The following BOC variants were observed in gnomAD, a reference collection of about 807,000 sequenced individuals.
The protein encoded by BOC is BOC cell adhesion associated, oncogene regulated.
A neutral mutation model predicts 112.0 loss-of-function variants in BOC; 76 were observed. The ratio of observed to expected loss-of-function variants is 0.68; its 90% CI spans 0.56 to 0.82. BOC has a LOEUF of 0.82. BOC is among the 40% of genes least tolerant of loss of function. The pLI is 0.00. For missense variants in BOC, 1,309 were observed against 1,511.7 expected (o/e 0.87, Z 2.22); for synonymous variants, 580 against 599.8 (o/e 0.97, Z 0.48).
intron 1 of BOC, 169 bp downstream of exon 1, chr3:113,212,185 C>A (rs1268466797): frequency 2.0e-5 from 3 of 150,902 alleles, no homozygotes; most frequent in Non-Finnish European, 4.4e-5. Flanking sequence ...GGCCGGGCGC[C>A]CGGGGCTGGG....
At chr3:113,213,232 A>C (rs1407791836) in intron 1 of BOC, among the ~76,000 whole-genome samples, 2 of 152,200 alleles carry the variant, frequency 1.3e-5, no homozygotes, top group East Asian at 3.8e-4. Context: ...TTTGACCCAG[A>C]GTTACCTCTT....
chr3:113,242,698 C>T (rs900851177), intron 2 of BOC, among the ~76,000 whole-genome samples: 2 of 151,920 alleles, frequency 1.3e-5, no homozygotes, highest in African/African-American at 4.8e-5. Context: ...TTATATATTC[C>T]CTTGCTCAAA....
chr3:113,256,701 TTCCTTTATC>T (rs2107483855), intron 4 of BOC, among the ~76,000 whole-genome samples: 1 of 152,306 alleles, frequency 6.6e-6, no homozygotes, highest in African/African-American at 2.4e-5. Context: ...TATTTCTAGC[TTCCTTTATC>T]TCTGTATTAG....
chr3:113,262,107 T>C (rs1946953226), intron 4 of BOC: 1 of 152,174 alleles, frequency 6.6e-6, no homozygotes, highest in South Asian at 2.1e-4. Context: ...AGGAGAGAGC[T>C]TGGGAGCCAA....
chr3:113,233,873 C>G (rs531194543), intron 2 of BOC, among the ~76,000 whole-genome samples: 2 of 142,950 alleles, frequency 1.4e-5, no homozygotes, highest in South Asian at 5.0e-4. Context: ...TTAAGAACCA[C>G]GGCGGGCTCC....
chr3:113,227,871 T>A (rs1419830280), intron 2 of BOC, among the ~76,000 whole-genome samples: 1 of 150,920 alleles, frequency 6.6e-6, no homozygotes, highest in Non-Finnish European at 1.5e-5. Flanking sequence ...GTGTTTGGGT[T>A]TTTTTTTTTC....
chr3:113,284,598 A>G, intron 17 of BOC, 31 bp downstream of exon 17: 1 of 1,593,210 alleles, frequency 6.3e-7, no homozygotes, highest in Non-Finnish European at 8.6e-7. Context: ...GGCGGCAGGT[A>G]TGGGACACCC....
Position 113,249,087 on chromosome 3 carries a change from T to G in BOC, c.-81-635T>G, listed in dbSNP as rs541449996. 2.9e-3 allele frequency among the ~76,000 whole-genome samples: 437 copies of G among 152,142 alleles called. 4 individuals carry two copies. The highest frequency in any genetic ancestry group is 0.014 in the Middle Eastern group (4 of 294). ...GTGGGAGTAGATGTTATGGACAAGC[T>G]GAGGAGAGCAGGGTGATTGCAGGAA... On this transcript the variant is annotated intron_variant, in intron 2 of 19. Transcript: ENST00000682979.
At position 113,278,527 on chromosome 3, in the gene BOC, G is replaced by T; in HGVS notation, c.1706-146G>T. On this transcript the variant is annotated intron_variant, in intron 10 of 19. Transcript: ENST00000682979. This position sits in a 1 kb window ranked among gnomAD's most constrained non-coding sequence, Gnocchi z 4.2. ...CACAACAGAACCAGTCTCGGCCGAGGCTGAGCCCACACCCTCAGTGCCCCG... is the reference window on the plus strand; with the variant it reads ...CACAACAGAACCAGTCTCGGCCGAGTCTGAGCCCACACCCTCAGTGCCCCG... The T allele has an allele frequency of 1.3e-6, 1 of 796,784 alleles. No individual in the cohort carries two copies. Among genetic ancestry groups the T allele is most frequent in the Non-Finnish European group, 2.0e-6 (1 of 491,648 alleles). 49.4% of individuals were successfully genotyped at this position (796,784 alleles called of 1,614,324 possible).
At chr3:113,253,441 C>T (rs1009757661) in intron 4 of BOC, among the ~76,000 whole-genome samples, 4 of 151,222 alleles carry the variant, frequency 2.6e-5, no homozygotes, top group Admixed American at 1.3e-4. Flanking sequence ...GGCGTGGTGG[C>T]GTGCACTTGT....
At chr3:113,267,896 C>T (rs1418643972) in intron 4 of BOC, among the ~76,000 whole-genome samples, 5 of 152,232 alleles carry the variant, frequency 3.3e-5, no homozygotes, top group African/African-American at 9.6e-5. Flanking sequence ...TGAGCATTCT[C>T]TTGTATCGTT....
chr3:113,228,653 G>A (rs1559810638), intron 2 of BOC, among the ~76,000 whole-genome samples: 1 of 152,146 alleles, frequency 6.6e-6, no homozygotes, highest in Non-Finnish European at 1.5e-5. Context: ...TCCAAATGTT[G>A]GGGGAGTGGG....
intron 2 of BOC, among the ~76,000 whole-genome samples, chr3:113,225,920 T>G (rs1335191771): frequency 6.6e-6 from 1 of 152,190 alleles, no homozygotes; most frequent in Non-Finnish European, 1.5e-5. Context: ...GGACCCATGT[T>G]CCTTATCAAA....
Position 113,274,159 on chromosome 3 carries a change from C to A in BOC, c.1235-216C>A, listed in dbSNP as rs547960874. 6.6e-6 allele frequency among the ~76,000 whole-genome samples: 1 copy of A among 152,366 alleles called. No individual in the cohort carries two copies. Among genetic ancestry groups the A allele is most frequent in the Admixed American group, 6.5e-5 (1 of 15,308 alleles). On this transcript the variant is annotated intron_variant, in intron 8 of 19. Transcript: ENST00000682979. The surrounding 1 kb of genome is among the most constrained non-coding windows in gnomAD (Gnocchi z 4.8). ...TACCCAAGCCACCCCTGAGCCCTGG[C>A]CAGGCAGGCCAGCCTGCCTTTTCCT... is the stretch of plus-strand genomic sequence containing the variant.
chr3:113,234,619 C>T, intron 2 of BOC, among the ~76,000 whole-genome samples: 1 of 152,152 alleles, frequency 6.6e-6, no homozygotes, highest in Non-Finnish European at 1.5e-5. Flanking sequence ...CCTCTACATC[C>T]CCTAAGCCTT....
chr3:113,241,365 T>A (rs1944265036), intron 2 of BOC, among the ~76,000 whole-genome samples: 1 of 152,050 alleles, frequency 6.6e-6, no homozygotes, highest in Admixed American at 6.5e-5. Flanking sequence ...CCTGCACACA[T>A]CTGCACACAC....
intron 9 of BOC, among the ~76,000 whole-genome samples, chr3:113,277,416 T>C (rs185245529): frequency 2.0e-4 from 30 of 152,340 alleles, no homozygotes; most frequent in Admixed American, 1.2e-3. Context: ...TCCCAGACTC[T>C]TCTTCCCAGG....
intron 9 of BOC, among the ~76,000 whole-genome samples, chr3:113,277,746 C>T (rs1948800987): frequency 6.6e-6 from 1 of 152,212 alleles, no homozygotes; most frequent in Non-Finnish European, 1.5e-5. Context: ...GGTTTACATA[C>T]AGAAGGAGAA....
rs75536117 is a variant in BOC at position 113,255,443 on chromosome 3, A to C, written c.376+4610A>C. ...AGCTGTTCTCAATCCCTTACCTCTA[A>C]CAGTCAACCATTAATAATTGTTTAT... On this transcript the variant is annotated intron_variant, in intron 4 of 19. Transcript: ENST00000682979. Among the ~76,000 whole-genome samples, 889 of 152,240 alleles carry C rather than the reference A, an allele frequency of 5.8e-3. 6 individuals carry two copies. Among genetic ancestry groups the C allele is most frequent in the African/African-American group, 0.02 (818 of 41,536 alleles).
Sources: gnomAD v4.1 joint callset for allele counts (sites outside exome capture counted in the v4.1 genomes callset) on GRCh38, gnomAD v4.1.1 for gene constraint, Gnocchi (gnomAD v3.1) non-coding constraint, MANE v1.5 for transcripts, NCBI Gene and HGNC (gene_info 2026-07-23, HGNC 2026-07-21) for gene names.